The following MGMT variants were observed in gnomAD, a reference collection of about 807,000 sequenced individuals.
The protein encoded by MGMT is O-6-methylguanine-DNA methyltransferase.
Under a neutral mutation model 15.9 loss-of-function variants are expected in MGMT, and 14 were observed. That is an observed-to-expected ratio of 0.88 (90% CI 0.58 to 1.37). MGMT has a LOEUF of 1.37. Ranked by LOEUF, MGMT falls within the 40% of genes most tolerant of loss-of-function variation. The pLI, the probability that MGMT is intolerant of heterozygous loss-of-function variation, is 0.00. For synonymous variants in MGMT, 130 were observed against 118.2 expected, an observed-to-expected ratio of 1.10 and a Z score of -0.65; for missense variants, 282 against 268.1, an observed-to-expected ratio of 1.05 and a Z score of -0.36.
In MGMT at chr10:129,593,989, A is replaced by G. The variant is rs569898779; in HGVS notation, c.125+57612A>G. Among the ~76,000 whole-genome samples the G allele has an allele frequency of 3.3e-5, 5 of 152,302 alleles. No individual in the cohort carries two copies. In the East Asian group the frequency reaches 5.8e-4, roughly 18 times the overall value. On this transcript the variant is annotated intron_variant, in intron 2 of 4. Coordinates refer to ENST00000651593, the MANE Select transcript of MGMT (RefSeq NM_002412.5). ...CTGGGAAGGGAAGCTTGTGATCCAC[A>G]TTATATCAGTGTGGGGTTTTATGAG...
At chr10:129,524,682 C>T (rs1028309353) in intron 1 of MGMT, among the ~76,000 whole-genome samples, 6 of 150,986 alleles carry the variant, frequency 4.0e-5, no homozygotes, top group Non-Finnish European at 8.8e-5. Context: ...ACCTCCGCCT[C>T]CCGGGTTCAC....
chr10:129,736,051 G>T, intron 3 of MGMT, among the ~76,000 whole-genome samples: 2 of 129,090 alleles, frequency 1.5e-5, no homozygotes, highest in African/African-American at 5.9e-5. Context: ...ATTTGGGGTG[G>T]AGAGTTCTGT....
intron 2 of MGMT, among the ~76,000 whole-genome samples, chr10:129,609,864 G>T (rs904848207): frequency 1.3e-5 from 2 of 152,184 alleles, no homozygotes; most frequent in East Asian, 3.9e-4. Context: ...AATGGTGGAG[G>T]CGTTGGCTGA....
At chr10:129,729,645 C>T (rs749400675) in intron 3 of MGMT, among the ~76,000 whole-genome samples, 7 of 152,216 alleles carry the variant, frequency 4.6e-5, no homozygotes, top group Admixed American at 6.5e-5. Flanking sequence ...TTAAAGCTTG[C>T]CAGTTTCCTT....
intron 2 of MGMT, among the ~76,000 whole-genome samples, chr10:129,654,088 T>G (rs1847496045): frequency 6.6e-6 from 1 of 152,220 alleles, no homozygotes; most frequent in Admixed American, 6.5e-5. Flanking sequence ...CACGCCTGTC[T>G]GTCCTTGCCC....
intron 1 of MGMT, among the ~76,000 whole-genome samples, chr10:129,525,903 G>T (rs1845864387): frequency 6.6e-6 from 1 of 152,232 alleles, no homozygotes; most frequent in Non-Finnish European, 1.5e-5. Context: ...CCACCAGGAG[G>T]CTTTGGGGTG....
At chr10:129,493,077 G>A (rs577854446) in intron 1 of MGMT, among the ~76,000 whole-genome samples, 79 of 152,272 alleles carry the variant, frequency 5.2e-4, no homozygotes, top group Middle Eastern at 3.4e-3. Context: ...TAACTCTTAC[G>A]ATGACACGGG....
chr10:129,576,552 A>G (rs1035564090), intron 2 of MGMT, among the ~76,000 whole-genome samples: 5 of 152,208 alleles, frequency 3.3e-5, no homozygotes. Flanking sequence ...AATAAGTGCT[A>G]TCTATGACAA....
intron 1 of MGMT, among the ~76,000 whole-genome samples, chr10:129,507,570 A>G (rs1292757273): frequency 6.6e-6 from 1 of 152,134 alleles, no homozygotes; most frequent in South Asian, 2.1e-4. Flanking sequence ...GCTCTGCAGT[A>G]TGTAGGAAGT....
At chr10:129,681,306 T>C (rs535421149) in intron 2 of MGMT, among the ~76,000 whole-genome samples, 14 of 152,336 alleles carry the variant, frequency 9.2e-5, no homozygotes, top group Middle Eastern at 3.4e-3. Context: ...GTATTTCTCA[T>C]GTGAATCACG....
At chr10:129,642,912 G>A (rs1847343922) in intron 2 of MGMT, among the ~76,000 whole-genome samples, 1 of 151,858 alleles carries the variant, frequency 6.6e-6, no homozygotes, top group African/African-American at 2.4e-5. Context: ...AGCCTGGGCT[G>A]CAGAATAAGA....
chr10:129,541,121 A>G (rs146815122), intron 2 of MGMT, among the ~76,000 whole-genome samples: 144 of 152,358 alleles, frequency 9.5e-4, no homozygotes, highest in Middle Eastern at 6.8e-3. Flanking sequence ...GCTTGTGTAC[A>G]AAGTGTGATT....
At chr10:129,696,205 G>T (rs558976021) in intron 2 of MGMT, among the ~76,000 whole-genome samples, 18 of 152,338 alleles carry the variant, frequency 1.2e-4, no homozygotes, top group African/African-American at 4.3e-4. Context: ...AACGAGTGGG[G>T]CTGCTGGAAC....
intron 2 of MGMT, among the ~76,000 whole-genome samples, chr10:129,548,898 C>T (rs1412169079): frequency 6.6e-6 from 1 of 152,202 alleles, no homozygotes; most frequent in African/African-American, 2.4e-5. Flanking sequence ...TCCTGGAAGG[C>T]GTGAAGATGG....
At chr10:129,762,757 C>T (rs990849635) in intron 4 of MGMT, among the ~76,000 whole-genome samples, 10 of 152,108 alleles carry the variant, frequency 6.6e-5, no homozygotes, top group Admixed American at 6.5e-4. Context: ...CGTTAATGAC[C>T]CCCCGAGGCT....
At chr10:129,583,944 G>A (rs976689315) in intron 2 of MGMT, among the ~76,000 whole-genome samples, 6 of 152,144 alleles carry the variant, frequency 3.9e-5, no homozygotes, top group South Asian at 2.1e-4. Flanking sequence ...GAGGCAGGAC[G>A]TGGAGCACCA....
At chr10:129,574,949 G>A (rs1201131648) in intron 2 of MGMT, among the ~76,000 whole-genome samples, 2 of 152,120 alleles carry the variant, frequency 1.3e-5, no homozygotes, top group Non-Finnish European at 2.9e-5. Context: ...CTGATACCAG[G>A]GAAAGTGAAA....
At chr10:129,680,507 C>G (rs939131370) in intron 2 of MGMT, among the ~76,000 whole-genome samples, 2 of 152,094 alleles carry the variant, frequency 1.3e-5, no homozygotes, top group East Asian at 3.9e-4. Flanking sequence ...ATTCTACCGA[C>G]TTTGGAGCAT....
In MGMT at chr10:129,731,924, T is replaced by C. The variant is rs570228867; in HGVS notation, c.274+23881T>C. On this transcript the variant is annotated intron_variant, in intron 3 of 4. Transcript: ENST00000651593. ...TAATCCGTTGTGTTGTCACATCACG[T>C]AGCCCCCAGAAAACTCTTTTGTCAC... Among the ~76,000 whole-genome samples the C allele has an allele frequency of 2.6e-5, 4 of 152,254 alleles. No individual in the cohort carries two copies. In the East Asian group the frequency reaches 7.7e-4, roughly 29 times the overall value.
Sources: allele counts gnomAD v4.1 joint callset (sites outside exome capture counted in the v4.1 genomes callset), GRCh38; gene constraint gnomAD v4.1.1; transcripts MANE v1.5; gene names NCBI Gene and HGNC (gene_info 2026-07-23, HGNC 2026-07-21).